Variants in MYO5B observed in about 807,000 individuals in gnomAD.
MYO5B encodes the protein myosin VB.
MYO5B carries 143 observed loss-of-function variants against 229.3 expected under a neutral mutation model. The observed-to-expected ratio is 0.62, with a 90% CI of 0.54 to 0.72. The LOEUF (loss-of-function observed/expected upper bound fraction) is 0.72, where lower values mean the gene tolerates loss of function less well. MYO5B is among the 30% of genes least tolerant of loss of function. MYO5B has a pLI of 0.00. For missense variants in MYO5B, 2,321 were observed against 2,331.0 expected, an observed-to-expected ratio of 1.00 and a Z score of 0.09; for synonymous variants, 918 against 885.2, an observed-to-expected ratio of 1.04 and a Z score of -0.66.
chr18:50,066,401 A>G (rs1318609259), intron 1 of MYO5B, among the ~76,000 whole-genome samples: 1 of 152,178 alleles, frequency 6.6e-6, no homozygotes, highest in Non-Finnish European at 1.5e-5. Flanking sequence ...ACACTTCTGT[A>G]GAAATACTTA....
At chr18:50,110,698 C>T (rs1256868546) in intron 1 of MYO5B, among the ~76,000 whole-genome samples, 1 of 152,090 alleles carries the variant, frequency 6.6e-6, no homozygotes, top group African/African-American at 2.4e-5. Flanking sequence ...AGTTAAGGAA[C>T]CAAATTTTAT....
chr18:50,123,063 C>G (rs1217588128), intron 1 of MYO5B, among the ~76,000 whole-genome samples: 2 of 152,156 alleles, frequency 1.3e-5, no homozygotes, highest in Non-Finnish European at 2.9e-5. Context: ...TGGAAACAAC[C>G]CAAGTGTCTA....
chr18:49,879,640 G>A (rs1215786978), intron 23 of MYO5B, among the ~76,000 whole-genome samples: 7 of 152,222 alleles, frequency 4.6e-5, no homozygotes, highest in Non-Finnish European at 1.0e-4. Flanking sequence ...GGGACTGTGA[G>A]GTCATGTGGT....
intron 16 of MYO5B, among the ~76,000 whole-genome samples, chr18:49,930,752 C>T (rs796188098): frequency 1.1e-4 from 17 of 151,924 alleles, no homozygotes; most frequent in African/African-American, 2.9e-4. Context: ...ATTAGCTGGG[C>T]GTGGTGGTGG....
intron 14 of MYO5B, among the ~76,000 whole-genome samples, chr18:49,952,339 T>G (rs1328088019): frequency 2.0e-5 from 3 of 150,796 alleles, no homozygotes; most frequent in African/African-American, 7.3e-5. Flanking sequence ...CCTGGGAATT[T>G]CCCCCACCCC....
At chr18:50,157,332 C>T (rs1013570256) in intron 1 of MYO5B, among the ~76,000 whole-genome samples, 1 of 152,178 alleles carries the variant, frequency 6.6e-6, no homozygotes, top group Non-Finnish European at 1.5e-5. Context: ...TCTCGAACTC[C>T]TGACCTCAGG....
intron 4 of MYO5B, among the ~76,000 whole-genome samples, chr18:50,002,035 CAAAAAAA>C (rs34864756): frequency 7.7e-6 from 1 of 129,366 alleles, no homozygotes; most frequent in Non-Finnish European, 1.6e-5. Flanking sequence ...AACTCCGTCT[CAAAAAAA>C]AAAAAAAAAA....
chr18:50,148,769 G>A (rs2032545934), intron 1 of MYO5B, among the ~76,000 whole-genome samples: 1 of 151,900 alleles, frequency 6.6e-6, no homozygotes, highest in Non-Finnish European at 1.5e-5. Context: ...TTTGAAAACT[G>A]GCACAAGACA....
chr18:50,151,084 G>T (rs73959885), intron 1 of MYO5B, among the ~76,000 whole-genome samples: 6 of 152,256 alleles, frequency 3.9e-5, no homozygotes, highest in African/African-American at 9.6e-5. Context: ...CTGTCTCTTG[G>T]GTCAAGCTTC....
At chr18:49,971,407 G>T (rs2025690814) in intron 10 of MYO5B, among the ~76,000 whole-genome samples, 1 of 152,202 alleles carries the variant, frequency 6.6e-6, no homozygotes, top group South Asian at 2.1e-4. Flanking sequence ...TAAGTGGAAA[G>T]GGGCAGATGA....
intron 1 of MYO5B, among the ~76,000 whole-genome samples, chr18:50,063,025 T>A (rs1200980577): frequency 6.6e-6 from 1 of 152,130 alleles, no homozygotes; most frequent in East Asian, 1.9e-4. Context: ...CTGGCACATT[T>A]TAAGTGCTTA....
intron 21 of MYO5B, among the ~76,000 whole-genome samples, chr18:49,895,662 G>C (rs1190180351): frequency 6.6e-6 from 1 of 152,150 alleles, no homozygotes; most frequent in Non-Finnish European, 1.5e-5. Context: ...TCTCTTCCAA[G>C]GAGGCCCTCC....
intron 39 of MYO5B, among the ~76,000 whole-genome samples, chr18:49,830,864 T>C (rs935378491): frequency 7.3e-6 from 1 of 137,866 alleles, no homozygotes; most frequent in Non-Finnish European, 1.6e-5. Context: ...GAAAACAAAA[T>C]TGGAGGACTC....
intron 1 of MYO5B, among the ~76,000 whole-genome samples, chr18:50,084,259 T>A (rs191077466): frequency 7.9e-5 from 12 of 152,290 alleles, no homozygotes; most frequent in Admixed American, 6.5e-4. Context: ...CTCCCTTAGC[T>A]TTCTCTTTCT....
At chr18:49,899,176 T>C (rs1017971637) in intron 21 of MYO5B, among the ~76,000 whole-genome samples, 1 of 152,194 alleles carries the variant, frequency 6.6e-6, no homozygotes, top group Admixed American at 6.5e-5. Context: ...TCCTTGGTGT[T>C]CGCAGATCCT....
intron 4 of MYO5B, among the ~76,000 whole-genome samples, chr18:50,011,987 G>C (rs2026166033): frequency 6.6e-6 from 1 of 152,010 alleles, no homozygotes; most frequent in Non-Finnish European, 1.5e-5. Context: ...TAGTGTTCAG[G>C]GAAGAGGCAA....
At chr18:50,080,083 A>G (rs1350176767) in intron 1 of MYO5B, among the ~76,000 whole-genome samples, 1 of 152,174 alleles carries the variant, frequency 6.6e-6, no homozygotes. Context: ...TTATTGTGCA[A>G]CCAACACCAC....
intron 5 of MYO5B, among the ~76,000 whole-genome samples, chr18:49,997,267 TAAAAAAAAAAAAAA>T (rs58927375): frequency 0.69 from 70,772 of 102,086 alleles, 23,498 homozygotes; most frequent in South Asian, 0.89. Flanking sequence ...GTCCTGTCTT[TAAAAAAAAAAAAAA>T]AAAAAAAAAA....
intron 5 of MYO5B, among the ~76,000 whole-genome samples, chr18:49,994,054 C>A (rs1228168822): frequency 6.6e-6 from 1 of 152,136 alleles, no homozygotes; most frequent in East Asian, 1.9e-4. Flanking sequence ...CCCTCTTTTC[C>A]CACGGCTCTC....
Sources: allele counts gnomAD v4.1 joint callset (sites outside exome capture counted in the v4.1 genomes callset), GRCh38; gene constraint gnomAD v4.1.1; transcripts MANE v1.5; gene names NCBI Gene and HGNC (gene_info 2026-07-23, HGNC 2026-07-21).